CADM2: variants seen among roughly 807,000 people sequenced by gnomAD.
CADM2 encodes immunoglobulin superfamily member 4D.
In CADM2, 12 loss-of-function variants were observed where a neutral mutation model predicts 49.8. The ratio of observed to expected loss-of-function variants is 0.24; its 90% CI spans 0.15 to 0.39. The LOEUF (loss-of-function observed/expected upper bound fraction) is 0.39. CADM2 is among the 10% of genes least tolerant of loss of function. CADM2 has a pLI of 1.00. For synonymous variants in CADM2, 214 were observed against 175.4 expected (o/e 1.22, Z -1.74); for missense variants, 378 against 492.3 (o/e 0.77, Z 2.20).
At chr3:86,004,451 C>T (rs1296819913) in intron 8 of CADM2, among the ~76,000 whole-genome samples, 2 of 152,124 alleles carry the variant, frequency 1.3e-5, no homozygotes, top group Non-Finnish European at 1.5e-5. Context: ...ACTGTGATGC[C>T]GTGGGGTGCC....
intron 1 of CADM2, among the ~76,000 whole-genome samples, chr3:85,230,506 G>A (rs2042261716): frequency 6.6e-6 from 1 of 152,280 alleles, no homozygotes; most frequent in South Asian, 2.1e-4. Flanking sequence ...CTTATGCTTA[G>A]AAGGTGTGAA....
chr3:85,729,711 C>G (rs1213788449), intron 2 of CADM2, among the ~76,000 whole-genome samples: 1 of 152,160 alleles, frequency 6.6e-6, no homozygotes. Context: ...TGCTAAGGCT[C>G]TATTTTATCT....
intron 3 of CADM2, among the ~76,000 whole-genome samples, chr3:85,821,727 T>C (rs1359599368): frequency 1.3e-5 from 2 of 152,130 alleles, no homozygotes. Context: ...TTGTCAGTAC[T>C]TCTCAAATCA....
chr3:85,877,273 A>T (rs943142417), intron 3 of CADM2, among the ~76,000 whole-genome samples: 1 of 152,000 alleles, frequency 6.6e-6, no homozygotes, highest in Non-Finnish European at 1.5e-5. Context: ...TTCTTTATTC[A>T]TTCCTAGTTT....
intron 1 of CADM2, among the ~76,000 whole-genome samples, chr3:85,085,268 G>A (rs1196818055): frequency 6.6e-6 from 1 of 151,950 alleles, no homozygotes; most frequent in Non-Finnish European, 1.5e-5. Flanking sequence ...GCTTCTATGA[G>A]TTGGACTCTT....
At chr3:86,051,483 G>A (rs1737340802) in intron 8 of CADM2, among the ~76,000 whole-genome samples, 3 of 152,078 alleles carry the variant, frequency 2.0e-5, no homozygotes, top group South Asian at 4.2e-4. Flanking sequence ...TTCCAAAGTC[G>A]TTTCCACATT....
intron 1 of CADM2, among the ~76,000 whole-genome samples, chr3:85,352,891 T>C (rs1422962661): frequency 5.9e-5 from 9 of 152,146 alleles, no homozygotes; most frequent in Admixed American, 4.6e-4. Flanking sequence ...CACAATGCTA[T>C]GCTGCTGTTC....
chr3:85,314,923 G>T (rs978748464), intron 1 of CADM2, among the ~76,000 whole-genome samples: 2 of 152,150 alleles, frequency 1.3e-5, no homozygotes, highest in Non-Finnish European at 2.9e-5. Context: ...TCTGAGGGCT[G>T]TTCTAACAAT....
chr3:85,230,332 C>T (rs1282015384), intron 1 of CADM2, among the ~76,000 whole-genome samples: 2 of 152,174 alleles, frequency 1.3e-5, no homozygotes, highest in African/African-American at 4.8e-5. Context: ...ATAGCTAAGC[C>T]TAAATGACAC....
chr3:85,471,166 G>T (rs1265146506), intron 1 of CADM2, among the ~76,000 whole-genome samples: 1 of 152,040 alleles, frequency 6.6e-6, no homozygotes, highest in African/African-American at 2.4e-5. Flanking sequence ...TGTAGGGGTG[G>T]CTCAGTTTCG....
chr3:85,575,545 C>T (rs62250499), intron 1 of CADM2, among the ~76,000 whole-genome samples: 3,252 of 151,888 alleles, frequency 0.021, 62 homozygotes, highest in Non-Finnish European at 0.036. Context: ...AGCGAGACTC[C>T]GTCTCAAAAA....
intron 1 of CADM2, among the ~76,000 whole-genome samples, chr3:85,143,385 G>A (rs1559686166): frequency 6.6e-6 from 1 of 152,162 alleles, no homozygotes; most frequent in Non-Finnish European, 1.5e-5. Flanking sequence ...CTACGTGGGA[G>A]GTTGAGGTGG....
intron 1 of CADM2, among the ~76,000 whole-genome samples, chr3:85,590,431 A>G (rs1474517421): frequency 6.6e-6 from 1 of 152,000 alleles, no homozygotes; most frequent in Non-Finnish European, 1.5e-5. Context: ...GAAAGCAAAA[A>G]AATCATTAGG....
chr3:85,726,523 G>T lies in CADM2; in HGVS notation c.63G>T (p.Ala21=), dbSNP rs774591878. The T allele has an allele frequency of 1.2e-6, 2 of 1,611,982 alleles. No homozygotes were observed. Among genetic ancestry groups the T allele is most frequent in the South Asian group, 2.2e-5 (2 of 91,000 alleles). ...FYSVCGLLLQ[A]AASKNKVKGS... is the part of the protein sequence containing the mutation. ...TGTGCAACCTTTCCTTGGTACCAGCGGCTGCTTCAAAGAATAAAGTTAAAG... is the reference window on the plus strand; with the variant it reads ...TGTGCAACCTTTCCTTGGTACCAGCTGCTGCTTCAAAGAATAAAGTTAAAG... Residue 21 remains alanine, a splice_region_variant and synonymous_variant, in exon 2 of 10, where the codon GCG becomes GCT. Coordinates refer to ENST00000383699, the MANE Select transcript of CADM2 (RefSeq NM_001167675.2).
intron 8 of CADM2, among the ~76,000 whole-genome samples, chr3:86,005,129 T>G (rs1422667841): frequency 6.6e-6 from 1 of 152,214 alleles, no homozygotes; most frequent in Non-Finnish European, 1.5e-5. Context: ...CTGGAGGCAG[T>G]TATAAGTGGT....
intron 1 of CADM2, among the ~76,000 whole-genome samples, chr3:85,392,426 C>A (rs1279763740): frequency 6.6e-6 from 1 of 151,920 alleles, no homozygotes; most frequent in Non-Finnish European, 1.5e-5. Flanking sequence ...CTCAAAAATA[C>A]CAATATCTTA....
At chr3:85,195,636 T>C (rs74599180) in intron 1 of CADM2, among the ~76,000 whole-genome samples, 1,600 of 152,082 alleles carry the variant, frequency 0.011, 19 homozygotes, top group Non-Finnish European at 0.018. Flanking sequence ...AAATTTGAGC[T>C]TGAAGTCTGC....
At chr3:85,839,152 T>G (rs915199193) in intron 3 of CADM2, among the ~76,000 whole-genome samples, 1 of 151,828 alleles carries the variant, frequency 6.6e-6, no homozygotes, top group African/African-American at 2.4e-5. Context: ...AGTACCCTAA[T>G]TAACATTGCT....
intron 1 of CADM2, among the ~76,000 whole-genome samples, chr3:85,358,241 A>C (rs1227139842): frequency 6.6e-6 from 1 of 151,994 alleles, no homozygotes. Flanking sequence ...ACATGCCCAA[A>C]TGTCCCCTGG....
Sources: gnomAD v4.1 joint callset for allele counts (sites outside exome capture counted in the v4.1 genomes callset) on GRCh38, gnomAD v4.1.1 for gene constraint, MANE v1.5 for transcripts, NCBI Gene and HGNC (gene_info 2026-07-23, HGNC 2026-07-21) for gene names.